The following GRIA1 variants were observed in gnomAD, a reference collection of about 807,000 sequenced individuals.
GRIA1 encodes the protein glutamate ionotropic receptor AMPA type subunit 1.
Under a neutral mutation model 99.2 loss-of-function variants are expected in GRIA1, and 31 were observed. The ratio of observed to expected loss-of-function variants is 0.31; its 90% CI spans 0.23 to 0.42. The LOEUF (loss-of-function observed/expected upper bound fraction) is 0.42, where lower values mean the gene tolerates loss of function less well. GRIA1 is among the 10% of genes least tolerant of loss of function. GRIA1 has a pLI of 1.00. For synonymous variants in GRIA1, 438 were observed against 432.4 expected, an observed-to-expected ratio of 1.01 and a Z score of -0.16; for missense variants, 782 against 1,157.5, an observed-to-expected ratio of 0.68 and a Z score of 4.71.
chr5:153,762,358 GT>G (rs1247585342), intron 11 of GRIA1, among the ~76,000 whole-genome samples: 1 of 152,112 alleles, frequency 6.6e-6, no homozygotes, highest in Non-Finnish European at 1.5e-5. Context: ...AGAGGCCATT[GT>G]GGTCATCCAG....
intron 11 of GRIA1, among the ~76,000 whole-genome samples, chr5:153,756,707 A>G (rs144897790): frequency 2.0e-4 from 30 of 152,214 alleles, no homozygotes; most frequent in African/African-American, 7.0e-4. Flanking sequence ...CCTTCACAAG[A>G]CTTACAGAGA....
intron 13 of GRIA1, among the ~76,000 whole-genome samples, chr5:153,770,677 G>A (rs774962956): frequency 5.9e-5 from 9 of 152,122 alleles, no homozygotes; most frequent in Admixed American, 3.3e-4. Context: ...CTCCAAGTGC[G>A]TGAAACATCA....
chr5:153,762,582 C>T (rs982398570), intron 11 of GRIA1, among the ~76,000 whole-genome samples: 7 of 152,124 alleles, frequency 4.6e-5, no homozygotes, highest in African/African-American at 1.2e-4. Flanking sequence ...GGTCTACCTA[C>T]TTATGATTTT....
chr5:153,698,893 G>A lies in GRIA1; in HGVS notation c.1272G>A (p.Lys424=). 1 of 1,613,316 alleles carries A rather than the reference G, an allele frequency of 6.2e-7. No individual in the cohort carries two copies. Among genetic ancestry groups the A allele is most frequent in the South Asian group, 1.1e-5 (1 of 91,056 alleles). ...AAGATCCTTATGTGATGCTCAAGAA[G>A]AACGCCAATCAGTTTGAGGGCAATG... ...ILEDPYVMLK[K]NANQFEGNDR... is the part of the protein sequence containing the mutation. The change falls in exon 10 of 16, where the codon AAG becomes AAA. Residue 424 remains lysine (K), a synonymous_variant. Coordinates refer to ENST00000285900, the MANE Select transcript of GRIA1 (RefSeq NM_000827.4).
chr5:153,673,444 A>G (rs1756344895), intron 5 of GRIA1, among the ~76,000 whole-genome samples: 1 of 152,250 alleles, frequency 6.6e-6, no homozygotes, highest in African/African-American at 2.4e-5. Context: ...ACTAGAATAT[A>G]AGCTCCATAA....
At position 153,677,062 on chromosome 5, in the gene GRIA1, G is replaced by A; in HGVS notation, c.930G>A (p.Gln310=). ...MAEAFQSLRR[Q]RIDISRRGNA... ...AGGCTTTCCAGAGCCTGCGGAGGCA[G>A]AGAATTGATATATCTCGCCGGGGGA... is the stretch of plus-strand genomic sequence containing the variant. The change falls in exon 7 of 16, where the codon CAG becomes CAA. Residue 310 remains glutamine (Q), a synonymous_variant. Transcript: ENST00000285900. 6.3e-7 allele frequency: 1 copy of A among 1,583,808 alleles called. No homozygotes were observed. Among genetic ancestry groups the A allele is most frequent in the East Asian group, 2.3e-5 (1 of 43,092 alleles).
At chr5:153,590,352 GA>G (rs1030903334) in intron 2 of GRIA1, among the ~76,000 whole-genome samples, 1 of 152,124 alleles carries the variant, frequency 6.6e-6, no homozygotes, top group Non-Finnish European at 1.5e-5. Context: ...GGCAGATATG[GA>G]AACAGCAGCT....
chr5:153,550,085 A>G (rs1456065502), intron 2 of GRIA1, among the ~76,000 whole-genome samples: 1 of 152,208 alleles, frequency 6.6e-6, no homozygotes, highest in Non-Finnish European at 1.5e-5. Flanking sequence ...AATGAGCTAT[A>G]GAGAAAGCTT....
chr5:153,601,897 G>A (rs1477570704), intron 2 of GRIA1, among the ~76,000 whole-genome samples: 1 of 152,184 alleles, frequency 6.6e-6, no homozygotes, highest in African/African-American at 2.4e-5. Context: ...GCCAGGAGAT[G>A]CCTCCAGGGC....
At chr5:153,781,356 A>AT (rs1470619651) in intron 13 of GRIA1, among the ~76,000 whole-genome samples, 3 of 149,210 alleles carry the variant, frequency 2.0e-5, no homozygotes, top group Non-Finnish European at 3.0e-5. Context: ...CTTTAGAGGA[A>AT]TAAAAAAAAA....
rs183834298 is a variant in GRIA1, at chr5:153,769,008, G to A, written c.2023-1160G>A. Among the ~76,000 whole-genome samples the A allele has an allele frequency of 1.9e-3, 296 of 152,308 alleles. 1 individual carries two copies. The highest frequency in any genetic ancestry group is 6.6e-3 in the African/African-American group (274 of 41,564). On this transcript the variant is annotated intron_variant, in intron 12 of 15. Coordinates refer to ENST00000285900, the MANE Select transcript of GRIA1 (RefSeq NM_000827.4). ...TGGGCCCTGACTAAGGGCCTACCAT[G>A]TGCAAGGTACTCAGTTAGACCCTGT...
chr5:153,508,072 A>G, intron 2 of GRIA1, among the ~76,000 whole-genome samples: 1 of 152,208 alleles, frequency 6.6e-6, no homozygotes, highest in East Asian at 1.9e-4. Flanking sequence ...ACAAATACAT[A>G]TAATGATTTC....
At chr5:153,655,155 C>T (rs1389924632) in intron 4 of GRIA1, among the ~76,000 whole-genome samples, 4 of 152,192 alleles carry the variant, frequency 2.6e-5, no homozygotes, top group Non-Finnish European at 5.9e-5. Context: ...TCTTGACTTC[C>T]TATCTGTACA....
At chr5:153,556,972 A>G (rs1760703072) in intron 2 of GRIA1, among the ~76,000 whole-genome samples, 1 of 152,222 alleles carries the variant, frequency 6.6e-6, no homozygotes, top group African/African-American at 2.4e-5. Context: ...CCTGTGCAGC[A>G]TGTTACTGTA....
rs112822770 is a variant in GRIA1, at chr5:153,531,395, A to T, written c.220+37330A>T. ...GGCAGGAACTGCCTTCTGTGTATTC[A>T]TCATATCTCTGAAGTCCAACCCCAA... On this transcript the variant is annotated intron_variant, in intron 2 of 15. Coordinates refer to ENST00000285900, the MANE Select transcript of GRIA1 (RefSeq NM_000827.4). 3.5e-3 allele frequency among the ~76,000 whole-genome samples: 526 copies of T among 152,288 alleles called. 2 individuals carry two copies. The highest frequency in any genetic ancestry group is 0.012 in the African/African-American group (508 of 41,554).
chr5:153,536,560 T>G (rs1758593526), intron 2 of GRIA1, among the ~76,000 whole-genome samples: 1 of 152,158 alleles, frequency 6.6e-6, no homozygotes, highest in Admixed American at 6.5e-5. Flanking sequence ...TGCAGTACAT[T>G]TCACATAAGA....
intron 12 of GRIA1, 94 bp downstream of exon 12, chr5:153,764,726 C>T (rs1763399023): frequency 3.4e-6 from 3 of 888,656 alleles, no homozygotes; most frequent in African/African-American, 3.3e-5. Flanking sequence ...AGATAACAGG[C>T]AGCCAGAGCA....
intron 5 of GRIA1, among the ~76,000 whole-genome samples, chr5:153,670,637 G>T (rs1025081540): frequency 4.0e-5 from 6 of 151,664 alleles, no homozygotes; most frequent in African/African-American, 1.5e-4. Flanking sequence ...AGCAGATAAA[G>T]AAAAATGTTC....
At chr5:153,620,007 T>C (rs1457639925) in intron 2 of GRIA1, among the ~76,000 whole-genome samples, 1 of 152,174 alleles carries the variant, frequency 6.6e-6, no homozygotes, top group Non-Finnish European at 1.5e-5. Flanking sequence ...TTCTAGGCTT[T>C]TATAATGAGC....
Sources: gnomAD v4.1 joint callset for allele counts (sites outside exome capture counted in the v4.1 genomes callset) on GRCh38, gnomAD v4.1.1 for gene constraint, MANE v1.5 for transcripts, NCBI Gene and HGNC (gene_info 2026-07-23, HGNC 2026-07-21) for gene names.